PIWIL2: variants seen among roughly 807,000 people sequenced by gnomAD.
PIWIL2 encodes the protein piwi like RNA-mediated gene silencing 2.
In PIWIL2, 81 loss-of-function variants were observed where a neutral mutation model predicts 116.5. The ratio of observed to expected loss-of-function variants is 0.70; its 90% CI spans 0.58 to 0.84. The LOEUF (loss-of-function observed/expected upper bound fraction) is 0.84. Ranked by LOEUF, PIWIL2 falls within the 40% of genes least tolerant of loss-of-function variation. The pLI is 0.00. For missense variants in PIWIL2, 1,272 were observed against 1,212.3 expected, an observed-to-expected ratio of 1.05 and a Z score of -0.73; for synonymous variants, 489 against 429.5, an observed-to-expected ratio of 1.14 and a Z score of -1.71.
At chr8:22,310,108 A>G (rs190272223) in intron 15 of PIWIL2, 34 bp downstream of exon 15, 111 of 1,112,422 alleles carry the variant, frequency 1.0e-4, no homozygotes, top group Non-Finnish European at 1.5e-4. Context: ...AGAGAGGACC[A>G]GTATTCCCCA....
At chr8:22,305,732 C>G (rs1364571277) in intron 12 of PIWIL2, among the ~76,000 whole-genome samples, 195 bp from the exon 13 acceptor site, 1 of 152,008 alleles carries the variant, frequency 6.6e-6, no homozygotes, top group Non-Finnish European at 1.5e-5. Context: ...ATACAACAGG[C>G]TGTATGTACA....
rs1259822543 is a variant in PIWIL2 at position 22,355,560 on chromosome 8, G to GT, written c.*56dup. On this transcript the variant is annotated 3_prime_UTR_variant, in exon 23 of 23. Coordinates refer to ENST00000356766, the MANE Select transcript of PIWIL2 (RefSeq NM_018068.5). ...AGAAAGGCGGCCTCAGAACTCAGCT[G>GT]TGACTCTTGCAGAATCAACAGAGAC... 9 of 1,531,794 alleles carry GT rather than the reference G, an allele frequency of 5.9e-6. No homozygotes were observed. The highest frequency in any genetic ancestry group is 8.1e-6 in the Non-Finnish European group (9 of 1,116,012). 94.9% of individuals were successfully genotyped at this position (1,531,794 alleles called of 1,614,324 possible).
intron 20 of PIWIL2, among the ~76,000 whole-genome samples, chr8:22,344,650 T>A (rs1362554105): frequency 6.6e-6 from 1 of 152,146 alleles, no homozygotes; most frequent in African/African-American, 2.4e-5. Context: ...GGAGGATTGC[T>A]TGAGCCCAGG....
intron 10 of PIWIL2, among the ~76,000 whole-genome samples, chr8:22,299,953 T>TG (rs1350373182): frequency 1.3e-5 from 2 of 151,728 alleles, no homozygotes; most frequent in African/African-American, 2.4e-5. Context: ...TTTTTTTGGG[T>TG]GGGGGGAACA....
chr8:22,286,227 G>GA lies in PIWIL2; in HGVS notation c.744-1293dup, dbSNP rs200184308. On this transcript the variant is annotated intron_variant, in intron 6 of 22. Coordinates refer to ENST00000356766, the MANE Select transcript of PIWIL2 (RefSeq NM_018068.5). ...CTAGCAGTTTTGTTACAGTTGTAGA[G>GA]AAAAAAAAGGAAAGATGAAAAGCAC... Among the ~76,000 whole-genome samples, 433 of 151,916 alleles carry GA rather than the reference G, an allele frequency of 2.9e-3. 1 individual carries two copies. The highest frequency in any genetic ancestry group is 9.9e-3 in the African/African-American group (411 of 41,434).
chr8:22,284,483 AG>A (rs990618276), intron 6 of PIWIL2, among the ~76,000 whole-genome samples: 5 of 152,200 alleles, frequency 3.3e-5, no homozygotes, highest in Non-Finnish European at 7.3e-5. Flanking sequence ...TTAACTTCAT[AG>A]GGTGTAGATT....
chr8:22,354,257 G>A lies in PIWIL2; in HGVS notation c.2658-14G>A. On this transcript the variant is annotated splice_polypyrimidine_tract_variant and intron_variant, in intron 21 of 22. Transcript: ENST00000356766. ...AATCCGACCATTTCACTGATTTATG[G>A]TTTTCCTTCCTAGGGTGGATTTCTA... is the stretch of plus-strand genomic sequence containing the variant. 6.4e-7 allele frequency: 1 copy of A among 1,565,296 alleles called. No individual in the cohort carries two copies.
intron 20 of PIWIL2, among the ~76,000 whole-genome samples, chr8:22,336,951 A>G (rs1293662178): frequency 6.6e-6 from 1 of 152,212 alleles, no homozygotes; most frequent in East Asian, 1.9e-4. Flanking sequence ...TACAGGGATT[A>G]TAAGAGAATA....
chr8:22,305,955 C>G lies in PIWIL2; in HGVS notation c.1484C>G (p.Pro495Arg), dbSNP rs1391844884. Residue 495 changes from proline (P) to arginine (R), a missense_variant, in exon 13 of 23, where the codon CCT (proline) becomes CGT (arginine). Transcript: ENST00000356766. ...CTAAAAGGGGAAATCCTGCTGCTGC[C>G]TGAGCTTTCTTTTATGACCGGAATC... ...MLLKGEILLL[P>R]ELSFMTGIPE... is the part of the protein sequence containing the mutation. 6.2e-7 allele frequency: 1 copy of G among 1,614,010 alleles called. No individual in the cohort carries two copies. The highest frequency in any genetic ancestry group is 8.5e-7 in the Non-Finnish European group (1 of 1,179,914).
In PIWIL2 at chr8:22,303,964, T is replaced by C. The variant is rs892246028; in HGVS notation, c.1182-57T>C. 4 of 1,148,520 alleles carry C rather than the reference T, an allele frequency of 3.5e-6. No homozygotes were observed. The South Asian group carries it at 6.0e-5, about 17-fold the overall frequency. 71.1% of individuals were successfully genotyped at this position (1,148,520 alleles called of 1,614,324 possible). A position where few individuals can be genotyped will look rare whatever the true frequency, so the allele number is the denominator to read the frequency against. ...CCTCAATTACTTGATCCCCTATCCC[T>C]TTCATACTGTTCTGGATATATACTG... On this transcript the variant is annotated intron_variant, in intron 10 of 22. Transcript: ENST00000356766.
At position 22,316,288 on chromosome 8, in the gene PIWIL2, G is replaced by A. The variant is rs1297387507; in HGVS notation, c.2252G>A (p.Ser751Asn). The A allele has an allele frequency of 1.9e-6, 3 of 1,613,388 alleles. No homozygotes were observed. The highest frequency in any genetic ancestry group is 1.7e-5 in the Admixed American group (1 of 59,992). ...VIGMDVYHDP[S>N]RGMRSVVGFV... Reference sequence around the variant, plus strand: ...GGGATGGATGTTTACCATGACCCCAGTAGAGGCATGCGCTCCGTGGTTGGC... The same window carrying A: ...GGGATGGATGTTTACCATGACCCCAATAGAGGCATGCGCTCCGTGGTTGGC... Residue 751 changes from serine to asparagine, a missense_variant, in exon 19 of 23, where the codon AGT (serine) becomes AAT (asparagine). By Grantham distance (46) the Ser-to-Asn change is conservative. Coordinates refer to ENST00000356766, the MANE Select transcript of PIWIL2 (RefSeq NM_018068.5).
intron 10 of PIWIL2, among the ~76,000 whole-genome samples, chr8:22,300,632 T>C (rs537930398): frequency 1.2e-4 from 18 of 152,302 alleles, no homozygotes; most frequent in Non-Finnish European, 2.4e-4. Context: ...TGCCTGAGAA[T>C]TCAGATTGTT....
At chr8:22,324,871 C>T (rs1459497080) in intron 20 of PIWIL2, among the ~76,000 whole-genome samples, 1 of 152,146 alleles carries the variant, frequency 6.6e-6, no homozygotes, top group Non-Finnish European at 1.5e-5. Context: ...ATCTGTAAGC[C>T]AAGAGACACC....
intron 2 of PIWIL2, among the ~76,000 whole-genome samples, chr8:22,280,002 G>A (rs59163347): frequency 0.41 from 61,795 of 152,026 alleles, 14,735 homozygotes; most frequent in East Asian, 0.81. Context: ...GCCCTAAACA[G>A]AAACAAGGTT....
At chr8:22,344,734 G>C (rs1832186589) in intron 20 of PIWIL2, among the ~76,000 whole-genome samples, 2 of 152,070 alleles carry the variant, frequency 1.3e-5, no homozygotes, top group Admixed American at 1.3e-4. Flanking sequence ...AAATTATCTG[G>C]TCATGATGGT....
chr8:22,353,123 C>A lies in PIWIL2; in HGVS notation c.2568C>A (p.Ile856=). The stretch of plus-strand genomic sequence containing the variant: ...TGGTGTTTGTAGTTCAGAAGAAAAT[C>A]AGTACTAATCTATATCTGGCTGCTC... ...KMVVFVVQKK[I]STNLYLAAPQ... The change falls in exon 21 of 23, where the codon ATC becomes ATA. Residue 856 remains isoleucine (I), a synonymous_variant. Coordinates refer to ENST00000356766, the MANE Select transcript of PIWIL2 (RefSeq NM_018068.5). 6.2e-7 allele frequency: 1 copy of A among 1,613,910 alleles called. No individual in the cohort carries two copies. Among genetic ancestry groups the A allele is most frequent in the Non-Finnish European group, 8.5e-7 (1 of 1,179,778 alleles).
In PIWIL2 at chr8:22,289,901, A is replaced by C. The variant is rs1259382095; in HGVS notation, c.1041A>C (p.Thr347=). 1 of 1,611,282 alleles carries C rather than the reference A, an allele frequency of 6.2e-7. No individual in the cohort carries two copies. Among genetic ancestry groups the C allele is most frequent in the African/African-American group, 1.3e-5 (1 of 74,980 alleles). ...TGGGGAGAAACTTTTATGACCCTAC[A>C]AGTGCTATGGTACTACAGCAACACA... ...KLVGRNFYDP[T]SAMVLQQHRL... The change falls in exon 9 of 23, where the codon ACA becomes ACC. Residue 347 remains threonine (T), a synonymous_variant. Coordinates refer to ENST00000356766, the MANE Select transcript of PIWIL2 (RefSeq NM_018068.5).
At chr8:22,332,609 T>C (rs772432502) in intron 20 of PIWIL2, among the ~76,000 whole-genome samples, 1 of 151,906 alleles carries the variant, frequency 6.6e-6, no homozygotes, top group African/African-American at 2.4e-5. Flanking sequence ...TAAAAAGAGG[T>C]TCCTTCAAAG....
intron 7 of PIWIL2, among the ~76,000 whole-genome samples, chr8:22,288,301 A>AAG (rs1182533105): frequency 6.7e-6 from 1 of 149,558 alleles, no homozygotes. Flanking sequence ...CTGTCTCCAA[A>AAG]AAAAAAAAAA....
Sources: gnomAD v4.1 joint callset for allele counts (sites outside exome capture counted in the v4.1 genomes callset) on GRCh38, gnomAD v4.1.1 for gene constraint, MANE v1.5 for transcripts, NCBI Gene and HGNC (gene_info 2026-07-23, HGNC 2026-07-21) for gene names.